Variants in DLC1 observed in about 807,000 individuals in gnomAD.
DLC1 encodes DLC1 Rho GTPase activating protein.
A neutral mutation model predicts 140.3 loss-of-function variants in DLC1; 54 were observed. The ratio of observed to expected loss-of-function variants is 0.38; its 90% confidence interval spans 0.31 to 0.48. DLC1 has a LOEUF of 0.48. Ranked by LOEUF, DLC1 falls within the 20% of genes least tolerant of loss-of-function variation. The probability of loss-of-function intolerance (pLI) is 0.96; values close to 1 mark genes in which losing one functional copy is unlikely to be tolerated. For missense variants in DLC1, 2,536 were observed against 1,907.0 expected, an observed-to-expected ratio of 1.33 and a Z score of -6.14; for synonymous variants, 986 against 728.1, an observed-to-expected ratio of 1.35 and a Z score of -5.70.
Position 13,192,315 on chromosome 8 carries a change from G to C in DLC1, c.1349-76658C>G, listed in dbSNP as rs797004626. ...GTGAAACTCAATGCTGTGCAATTTT[G>C]GGTGATGCCCTTTTTAAAAATGAGA... On this transcript the variant is annotated intron_variant, in intron 5 of 17. Coordinates refer to ENST00000276297, the MANE Select transcript of DLC1 (RefSeq NM_182643.3). Among the ~76,000 whole-genome samples, 9 of 152,138 alleles carry C rather than the reference G, an allele frequency of 5.9e-5. 1 individual carries two copies. The highest frequency in any genetic ancestry group is 2.2e-4 in the African/African-American group (9 of 41,504).
At chr8:13,438,022 C>CT (rs11355863) in intron 2 of DLC1, among the ~76,000 whole-genome samples, 2,293 of 142,304 alleles carry the variant, frequency 0.016, 40 homozygotes, top group South Asian at 0.068. Context: ...TGATCTACCT[C>CT]TTTTTTTTTT....
chr8:13,539,981 C>T (rs773917191), intron 1 of DLC1, among the ~76,000 whole-genome samples: 5 of 152,190 alleles, frequency 3.3e-5, no homozygotes, highest in Non-Finnish European at 7.3e-5. Context: ...AATTGACACA[C>T]AGGCATATTT....
At chr8:13,326,894 A>T (rs968481883) in intron 4 of DLC1, among the ~76,000 whole-genome samples, 1 of 152,156 alleles carries the variant, frequency 6.6e-6, no homozygotes, top group Non-Finnish European at 1.5e-5. Context: ...ATATGGCTGC[A>T]CCCAAGGTGA....
intron 2 of DLC1, among the ~76,000 whole-genome samples, chr8:13,435,242 T>G (rs1839065710): frequency 6.6e-6 from 1 of 152,180 alleles, no homozygotes; most frequent in South Asian, 2.1e-4. Context: ...CAACTAGAAT[T>G]AGAAGTGGGG....
intron 5 of DLC1, among the ~76,000 whole-genome samples, chr8:13,209,043 T>C (rs1333167390): frequency 1.3e-5 from 2 of 152,204 alleles, no homozygotes; most frequent in Non-Finnish European, 2.9e-5. Context: ...AATAACTTGA[T>C]GACTTTGATT....
intron 2 of DLC1, among the ~76,000 whole-genome samples, chr8:13,453,138 C>CA (rs1260488629): frequency 6.7e-6 from 1 of 148,208 alleles, no homozygotes; most frequent in Non-Finnish European, 1.5e-5. Context: ...TCATCAGGAT[C>CA]AAAAAAATAA....
chr8:13,384,585 A>G (rs1168859709), intron 4 of DLC1, among the ~76,000 whole-genome samples: 1 of 152,196 alleles, frequency 6.6e-6, no homozygotes, highest in South Asian at 2.1e-4. Flanking sequence ...TAATATTCTG[A>G]CTTACATCCA....
chr8:13,511,862 CA>C (rs1274613950), intron 1 of DLC1, among the ~76,000 whole-genome samples: 1 of 151,872 alleles, frequency 6.6e-6, no homozygotes, highest in Non-Finnish European at 1.5e-5. Flanking sequence ...CAAGAGGAAA[CA>C]AAAAACAAAC....
chr8:13,507,813 T>C (rs1802168324), intron 1 of DLC1, among the ~76,000 whole-genome samples: 1 of 152,166 alleles, frequency 6.6e-6, no homozygotes, highest in Admixed American at 6.5e-5. Flanking sequence ...TCATCTATAA[T>C]GAGCCAAGTA....
intron 15 of DLC1, among the ~76,000 whole-genome samples, chr8:13,089,367 C>G (rs1189426399): frequency 6.6e-6 from 1 of 151,922 alleles, no homozygotes; most frequent in African/African-American, 2.4e-5. Flanking sequence ...GTGGCTCACG[C>G]CTATAATCCC....
chr8:13,428,688 T>C (rs1838716051), intron 2 of DLC1, among the ~76,000 whole-genome samples: 1 of 151,466 alleles, frequency 6.6e-6, no homozygotes, highest in Non-Finnish European at 1.5e-5. Flanking sequence ...ATCTGTTGAG[T>C]CTCTGAGAGT....
intron 1 of DLC1, among the ~76,000 whole-genome samples, chr8:13,564,299 C>G (rs1745011663): frequency 1.3e-5 from 2 of 152,176 alleles, no homozygotes; most frequent in African/African-American, 4.8e-5. Flanking sequence ...TAAATAAAAT[C>G]ATTTTTCATC....
chr8:13,305,032 CAAGG>C (rs1267239988), intron 5 of DLC1: 1 of 1,135,300 alleles, frequency 8.8e-7, no homozygotes, highest in African/African-American at 1.6e-5. Flanking sequence ...GTTGCAGTTA[CAAGG>C]AAGACCCCAA....
In DLC1 at chr8:13,597,993, G is replaced by A. The variant is rs146699282; in HGVS notation, c.-126+6544C>T. On this transcript the variant is annotated intron_variant, in intron 1 of 1. Coordinates refer to the DLC1 transcript ENST00000631382. ...AGATGTTTACACCGAAAATAAAATC[G>A]GTATCAAGAGTCTGATTACTAATTT... is the stretch of plus-strand genomic sequence containing the variant. 1.2e-3 allele frequency among the ~76,000 whole-genome samples: 183 copies of A among 152,122 alleles called. 2 individuals are homozygous for A. Among genetic ancestry groups the A allele is most frequent in the Middle Eastern group, 0.01 (3 of 294 alleles).
chr8:13,182,835 G>GT (rs1261732092), intron 5 of DLC1, among the ~76,000 whole-genome samples: 2 of 152,272 alleles, frequency 1.3e-5, no homozygotes, highest in East Asian at 1.9e-4. Context: ...CTTTAAAGTA[G>GT]TTTTTTCCAA....
In DLC1 at chr8:13,478,217, G is replaced by A. The variant is rs138797359; in HGVS notation, c.1023+20832C>T. ...AATCATGGTGGAAAGTGAAGGGGGA[G>A]CAGGCACATCACATGATGAAAGCAG... On this transcript the variant is annotated intron_variant, in intron 2 of 17. Coordinates refer to ENST00000276297, the MANE Select transcript of DLC1 (RefSeq NM_182643.3). Among the ~76,000 whole-genome samples, 385 of 152,108 alleles carry A rather than the reference G, an allele frequency of 2.5e-3. 5 individuals are homozygous for A. Among genetic ancestry groups the A allele is most frequent in the Middle Eastern group, 0.01 (3 of 294 alleles).
chr8:13,575,930 A>T (rs565899987), intron 1 of DLC1, among the ~76,000 whole-genome samples: 46 of 152,340 alleles, frequency 3.0e-4, no homozygotes, highest in African/African-American at 9.1e-4. Context: ...GTGTGGCAAG[A>T]GAGTCCCACA....
chr8:13,119,717 C>A (rs1318155043), intron 5 of DLC1, among the ~76,000 whole-genome samples: 3 of 151,930 alleles, frequency 2.0e-5, no homozygotes, highest in Non-Finnish European at 4.4e-5. Context: ...TCTGGGAGGC[C>A]TAGGTGGGAG....
intron 6 of DLC1, among the ~76,000 whole-genome samples, chr8:13,114,917 C>G (rs1335219470): frequency 6.6e-6 from 1 of 152,146 alleles, no homozygotes; most frequent in Admixed American, 6.6e-5. Context: ...TTTCGAAAAG[C>G]TTGCATTTTA....
Sources: gnomAD v4.1 joint callset for allele counts (sites outside exome capture counted in the v4.1 genomes callset) on GRCh38, gnomAD v4.1.1 for gene constraint, MANE v1.5 for transcripts, NCBI Gene and HGNC (gene_info 2026-07-23, HGNC 2026-07-21) for gene names.